IHO1: variants seen among roughly 807,000 people sequenced by gnomAD.
IHO1 encodes interactor of HORMAD1 protein 1.
In IHO1, 13 loss-of-function variants were observed where a neutral mutation model predicts 31.0. That is an observed-to-expected ratio of 0.42 (90% CI 0.27 to 0.67). The LOEUF is 0.67. IHO1 is among the 30% of genes least tolerant of loss of function. The probability of loss-of-function intolerance (pLI) is 0.24; values close to 1 mark genes in which losing one functional copy is unlikely to be tolerated. For synonymous variants in IHO1, 221 were observed against 248.4 expected (o/e 0.89, Z 1.04); for missense variants, 599 against 687.5 (o/e 0.87, Z 1.44).
rs532266464 is a variant in IHO1, at chr3:49,247,233, T to C, written c.532+2500T>C. 1.3e-3 allele frequency among the ~76,000 whole-genome samples: 197 copies of C among 151,340 alleles called. 6 individuals carry two copies. The South Asian group carries it at 0.039, about 30-fold the overall frequency. On this transcript the variant is annotated intron_variant, in intron 6 of 7. Coordinates refer to ENST00000452691, the MANE Select transcript of IHO1 (RefSeq NM_001135197.2). ...CTATAATCCCAGCACTTTGTGTTTT[T>C]GTTTTTGTTTTTTTGAGATGGAGTC...
At chr3:49,202,926 A>G (rs1164169143) in intron 1 of IHO1, among the ~76,000 whole-genome samples, 1 of 142,364 alleles carries the variant, frequency 7.0e-6, no homozygotes, top group Non-Finnish European at 1.5e-5. Flanking sequence ...GCAGTGGCGC[A>G]ATCTCGGCTC....
At position 49,199,530 on chromosome 3, in the gene IHO1, C is replaced by T. The variant is rs937011723; in HGVS notation, c.-59C>T. 1 of 151,564 alleles carries T rather than the reference C, an allele frequency of 6.6e-6. No homozygotes were observed. The highest frequency in any genetic ancestry group is 1.5e-5 in the Non-Finnish European group (1 of 68,058). The allele number at this position is 151,564 out of a possible 1,614,324, so 9.4% of individuals were successfully genotyped here. A position where few individuals can be genotyped will look rare whatever the true frequency, so the allele number is the denominator to read the frequency against. The stretch of plus-strand genomic sequence containing the variant: ...CAGCGGGACGCGGCCACCTCGAAGC[C>T]ACGTCAGGGCAGCCCCAGGTCGGGC... On this transcript the variant is annotated 5_prime_UTR_variant, in exon 1 of 8. Coordinates refer to ENST00000452691, the MANE Select transcript of IHO1 (RefSeq NM_001135197.2).
At chr3:49,255,361 G>A (rs1327712324) in intron 6 of IHO1, 29 bp from the exon 7 acceptor site, 1 of 1,476,692 alleles carries the variant, frequency 6.8e-7, no homozygotes, top group South Asian at 1.2e-5. Context: ...TAGTCTTCAG[G>A]AGGTGAACTG....
At chr3:49,235,513 C>T (rs2046549138) in intron 2 of IHO1, among the ~76,000 whole-genome samples, 1 of 152,048 alleles carries the variant, frequency 6.6e-6, no homozygotes, top group Non-Finnish European at 1.5e-5. Flanking sequence ...CAGGCGTGAG[C>T]CACCGCACCC....
chr3:49,247,840 C>G (rs1425323679), intron 6 of IHO1, among the ~76,000 whole-genome samples: 3 of 149,502 alleles, frequency 2.0e-5, no homozygotes, highest in Non-Finnish European at 4.5e-5. Context: ...AAAATAGATT[C>G]AAGGGTGGGC....
intron 4 of IHO1, among the ~76,000 whole-genome samples, chr3:49,242,449 T>G (rs2107727893): frequency 6.6e-6 from 1 of 152,304 alleles, no homozygotes; most frequent in South Asian, 2.1e-4. Context: ...CTTAATTGCC[T>G]TCTTGTCAAT....
chr3:49,194,898 A>G (rs1481252957), upstream of IHO1, among the ~76,000 whole-genome samples: 4 of 151,840 alleles, frequency 2.6e-5, no homozygotes, highest in Middle Eastern at 6.8e-3. Flanking sequence ...CCCGTCTCAA[A>G]TAAATAAATA....
chr3:49,255,349 CAT>C, intron 6 of IHO1, 39 bp from the exon 7 acceptor site: 2 of 1,394,772 alleles, frequency 1.4e-6, no homozygotes, highest in African/African-American at 2.9e-5. Context: ...ACATACCATA[CAT>C]AGTCTTCAGG....
chr3:49,193,427 G>A, the IHO1 span, among the ~76,000 whole-genome samples: 2 of 151,918 alleles, frequency 1.3e-5, no homozygotes, highest in East Asian at 1.9e-4. Flanking sequence ...GGCCGGGAGC[G>A]GTAGCTCACG....
chr3:49,257,097 T>C lies in IHO1; in HGVS notation c.1600T>C (p.Leu534=), dbSNP rs1377039494. ...AGTAAGGGCAGTGCAGGGAAGACTC[T>C]TGCAGCTCAGCAGGTGCTCTTCCCA... ...KTVRAVQGRL[L]QLSRCSSQDN... is the part of the protein sequence containing the mutation. The change falls in exon 8 of 8, where the codon TTG becomes CTG. Residue 534 remains leucine (L), a synonymous_variant. Transcript: ENST00000452691. The C allele has an allele frequency of 1.9e-6, 3 of 1,614,156 alleles. No homozygotes were observed. The highest frequency in any genetic ancestry group is 1.7e-5 in the Admixed American group (1 of 60,006).
intron 2 of IHO1, among the ~76,000 whole-genome samples, chr3:49,222,271 T>C (rs1559442840): frequency 6.6e-6 from 1 of 152,134 alleles, no homozygotes; most frequent in Admixed American, 6.6e-5. Context: ...CCAACAGTCA[T>C]TTGCCAGGGA....
At chr3:49,249,035 G>A (rs1385586908) in intron 6 of IHO1, among the ~76,000 whole-genome samples, 4 of 152,156 alleles carry the variant, frequency 2.6e-5, no homozygotes, top group Non-Finnish European at 5.9e-5. Context: ...TGAAAGTGCT[G>A]TCTGTGTTGT....
chr3:49,194,131 G>A (rs190137763), upstream of IHO1, among the ~76,000 whole-genome samples: 1,084 of 149,440 alleles, frequency 7.3e-3, 16 homozygotes, highest in African/African-American at 0.025. Flanking sequence ...AGCCAGGTGC[G>A]GTGGCAGGCA....
chr3:49,204,704 G>C (rs1372171529), intron 1 of IHO1, among the ~76,000 whole-genome samples: 1 of 152,122 alleles, frequency 6.6e-6, no homozygotes, highest in Non-Finnish European at 1.5e-5. Context: ...AGTCTACAGA[G>C]TAGAGTGAAA....
At chr3:49,220,688 G>A (rs2046343638) in intron 2 of IHO1, among the ~76,000 whole-genome samples, 1 of 152,090 alleles carries the variant, frequency 6.6e-6, no homozygotes. Context: ...CTGACACAGT[G>A]AAACCCCATC....
intron 2 of IHO1, among the ~76,000 whole-genome samples, chr3:49,216,727 T>A (rs1387072032): frequency 6.8e-6 from 1 of 147,194 alleles, no homozygotes; most frequent in Non-Finnish European, 1.5e-5. Context: ...TGGGAGAAAA[T>A]TTTTGCAATC....
Position 49,205,528 on chromosome 3 carries a change from C to T in IHO1, c.-16+5955C>T, listed in dbSNP as rs577119762. Among the ~76,000 whole-genome samples the T allele has an allele frequency of 3.9e-4, 59 of 151,834 alleles. 1 individual carries two copies. In the South Asian group the frequency reaches 6.4e-3, roughly 17 times the overall value. On this transcript the variant is annotated intron_variant, in intron 1 of 7. Coordinates refer to ENST00000452691, the MANE Select transcript of IHO1 (RefSeq NM_001135197.2). The stretch of plus-strand genomic sequence containing the variant: ...TAGAGATGGGGTTCCACCATGTTGA[C>T]CAGGCTGGTCTCGAATTGCTGACCT...
intron 2 of IHO1, among the ~76,000 whole-genome samples, chr3:49,214,953 T>C (rs777818160): frequency 6.6e-6 from 1 of 151,442 alleles, no homozygotes; most frequent in Non-Finnish European, 1.5e-5. Flanking sequence ...CTTCATTAAG[T>C]CCAATTCCTC....
chr3:49,238,827 A>G (rs1300578428), intron 3 of IHO1, among the ~76,000 whole-genome samples: 1 of 152,132 alleles, frequency 6.6e-6, no homozygotes, highest in Non-Finnish European at 1.5e-5. Flanking sequence ...GGGAGGGGGA[A>G]GTTGGGAAAA....
Sources: gnomAD v4.1 joint callset for allele counts (sites outside exome capture counted in the v4.1 genomes callset) on GRCh38, gnomAD v4.1.1 for gene constraint, MANE v1.5 for transcripts, NCBI Gene and HGNC (gene_info 2026-07-23, HGNC 2026-07-21) for gene names.